Variants in MAST4 observed in about 807,000 individuals in gnomAD.
The protein encoded by MAST4 is microtubule associated serine/threonine kinase family member 4.
A neutral mutation model predicts 162.7 loss-of-function variants in MAST4; 89 were observed. That is an observed-to-expected ratio of 0.55 (90% CI 0.46 to 0.65). The LOEUF is 0.65. Ranked by LOEUF, MAST4 falls within the 30% of genes least tolerant of loss-of-function variation. MAST4 has a pLI of 0.00. For missense variants in MAST4, 3,153 were observed against 3,374.0 expected (o/e 0.93, Z 1.62); for synonymous variants, 1,479 against 1,361.1 (o/e 1.09, Z -1.91).
intron 4 of MAST4, among the ~76,000 whole-genome samples, chr5:67,020,977 A>G (rs1753900950): frequency 6.6e-6 from 1 of 152,186 alleles, no homozygotes; most frequent in African/African-American, 2.4e-5. Flanking sequence ...TCTGGACTGC[A>G]ATTATCTGGC....
chr5:66,766,408 A>G (rs1754098722), intron 2 of MAST4, among the ~76,000 whole-genome samples: 1 of 152,240 alleles, frequency 6.6e-6, no homozygotes, highest in African/African-American at 2.4e-5. Flanking sequence ...TAAAGCTGTT[A>G]GAATCATGAC....
intron 3 of MAST4, among the ~76,000 whole-genome samples, chr5:66,863,381 A>G (rs1425199301): frequency 1.3e-5 from 2 of 152,202 alleles, no homozygotes; most frequent in African/African-American, 4.8e-5. Context: ...GGGACTGGGC[A>G]GAGAAGGAAT....
Position 67,163,492 on chromosome 5 carries a change from C to T in MAST4, c.4313C>T (p.Ser1438Phe), listed in dbSNP as rs1215235274. ...VRPKSAEPPRSPLLKRVQSEE... is the reference protein window; with the variant it reads ...VRPKSAEPPRFPLLKRVQSEE... ...CCCAAGAGTGCGGAGCCCCCCAGGT[C>T]CCCGCTGCTCAAGCGCGTGCAGTCC... Residue 1438 changes from serine to phenylalanine, a missense_variant, in exon 29 of 29, where the codon TCC becomes TTC. By Grantham distance (155) the Ser-to-Phe change is radical. Transcript: ENST00000403625. The surrounding 1 kb of genome is among the most constrained non-coding windows in gnomAD (Gnocchi z 7.0). 1.2e-6 allele frequency: 2 copies of T among 1,613,118 alleles called. No individual in the cohort carries two copies. The highest frequency in any genetic ancestry group is 2.2e-5 in the East Asian group (1 of 44,854).
At chr5:66,784,195 A>G (rs1444685278) in intron 2 of MAST4, among the ~76,000 whole-genome samples, 1 of 109,398 alleles carries the variant, frequency 9.1e-6, no homozygotes, top group African/African-American at 3.5e-5. Context: ...GACCTGGGCC[A>G]TAGGAACTAC....
intron 4 of MAST4, among the ~76,000 whole-genome samples, chr5:67,019,241 G>A (rs911738830): frequency 6.6e-6 from 1 of 152,210 alleles, no homozygotes; most frequent in South Asian, 2.1e-4. Flanking sequence ...TAATTAATGC[G>A]CAGCTGCACC....
At chr5:66,915,751 C>T (rs1243823088) in intron 4 of MAST4, among the ~76,000 whole-genome samples, 1 of 152,148 alleles carries the variant, frequency 6.6e-6, no homozygotes, top group African/African-American at 2.4e-5. Context: ...GGGGCTAGTC[C>T]TGAGGCTCAC....
chr5:66,843,512 T>G (rs149939940), intron 3 of MAST4, among the ~76,000 whole-genome samples: 434 of 152,290 alleles, frequency 2.8e-3, no homozygotes, highest in Non-Finnish European at 4.2e-3. Flanking sequence ...GTCTACTGCC[T>G]AATGCCTATT....
intron 5 of MAST4, among the ~76,000 whole-genome samples, chr5:67,064,313 C>T (rs137988686): frequency 1.3e-5 from 2 of 152,166 alleles, no homozygotes; most frequent in African/African-American, 4.8e-5. Context: ...AGACGGGTGC[C>T]CACAATGAGG....
intron 1 of MAST4, among the ~76,000 whole-genome samples, chr5:66,750,015 T>C (rs1227335334): frequency 2.6e-5 from 4 of 152,204 alleles, no homozygotes; most frequent in Non-Finnish European, 5.9e-5. Flanking sequence ...AGCAGTTAAT[T>C]AGGATTACAA....
chr5:66,859,192 C>T (rs72761270), intron 3 of MAST4, among the ~76,000 whole-genome samples: 36,595 of 151,972 alleles, frequency 0.24, 5,680 homozygotes, highest in Non-Finnish European at 0.35. Context: ...CAATATAACG[C>T]TTCTTATTTT....
chr5:66,901,296 A>T (rs914148893), intron 4 of MAST4, among the ~76,000 whole-genome samples: 3 of 152,026 alleles, frequency 2.0e-5, no homozygotes, highest in Admixed American at 2.0e-4. Flanking sequence ...TAGATTGCAC[A>T]TGGGTTTTGT....
intron 1 of MAST4, chr5:66,662,656 G>A: frequency 6.6e-6 from 1 of 152,028 alleles, no homozygotes. Context: ...CATGCCGGAT[G>A]CCTTTTATTG....
chr5:67,130,174 C>G (rs777082555), intron 14 of MAST4, 36 bp from the exon 15 acceptor site: 2 of 1,569,952 alleles, frequency 1.3e-6, no homozygotes, highest in Non-Finnish European at 1.7e-6. Context: ...TACTTTCTCT[C>G]CTCCTGTCAA....
chr5:67,083,621 G>GAA (rs950877344), intron 5 of MAST4, among the ~76,000 whole-genome samples: 9 of 150,752 alleles, frequency 6.0e-5, no homozygotes, highest in African/African-American at 2.2e-4. Flanking sequence ...ATGTAAGATA[G>GAA]AAAAAAAAAT....
At chr5:66,962,408 A>G (rs1746126613) in intron 4 of MAST4, among the ~76,000 whole-genome samples, 1 of 152,210 alleles carries the variant, frequency 6.6e-6, no homozygotes, top group South Asian at 2.1e-4. Context: ...TGGAGACACC[A>G]TCTGTAAAAA....
At chr5:66,646,080 TA>T (rs1745814133) in intron 1 of MAST4, among the ~76,000 whole-genome samples, 1 of 152,168 alleles carries the variant, frequency 6.6e-6, no homozygotes, top group African/African-American at 2.4e-5. Flanking sequence ...CATTTGCCAA[TA>T]ATTGAAACAA....
At chr5:66,763,958 T>A (rs1335636663) in intron 2 of MAST4, among the ~76,000 whole-genome samples, 2 of 152,204 alleles carry the variant, frequency 1.3e-5, no homozygotes, top group Non-Finnish European at 2.9e-5. Flanking sequence ...TGAGTAGGCT[T>A]CCTTTAAAAA....
chr5:66,886,226 C>T (rs925179535), intron 3 of MAST4, among the ~76,000 whole-genome samples: 1 of 152,174 alleles, frequency 6.6e-6, no homozygotes, highest in African/African-American at 2.4e-5. Context: ...GCGTATAGGA[C>T]TTTTGTTTTT....
chr5:66,921,414 TA>T (rs1488123047), intron 4 of MAST4, among the ~76,000 whole-genome samples: 2 of 152,014 alleles, frequency 1.3e-5, no homozygotes, highest in Middle Eastern at 3.2e-3. Context: ...CAAACTGAAA[TA>T]AAACCCTTAT....
Sources: gnomAD v4.1 joint callset for allele counts (sites outside exome capture counted in the v4.1 genomes callset) on GRCh38, gnomAD v4.1.1 for gene constraint, Gnocchi (gnomAD v3.1) non-coding constraint, MANE v1.5 for transcripts, NCBI Gene and HGNC (gene_info 2026-07-23, HGNC 2026-07-21) for gene names.